PDK1: variants seen among roughly 807,000 people sequenced by gnomAD.
PDK1 encodes the protein pyruvate dehydrogenase kinase 1, also known as [Pyruvate dehydrogenase (acetyl-transferring)] kinase isozyme 1, mitochondrial.
In PDK1, 39 loss-of-function variants were observed where a neutral mutation model predicts 54.2. The ratio of observed to expected loss-of-function variants is 0.72; its 90% CI spans 0.56 to 0.94. The LOEUF is 0.94. PDK1 is among the 40% of genes least tolerant of loss of function. The pLI is 0.00. For missense variants in PDK1, 552 were observed against 566.0 expected (o/e 0.98, Z 0.25); for synonymous variants, 221 against 207.1 (o/e 1.07, Z -0.58).
the PDK1 span, among the ~76,000 whole-genome samples, chr2:172,652,939 G>A: frequency 1.3e-5 from 2 of 152,092 alleles, no homozygotes; most frequent in Non-Finnish European, 2.9e-5. Flanking sequence ...CAAGCTACCA[G>A]TGACTTTCTT....
chr2:172,717,331 C>T, the PDK1 span, among the ~76,000 whole-genome samples: 9 of 152,242 alleles, frequency 5.9e-5, no homozygotes, highest in South Asian at 4.1e-4. Flanking sequence ...TGGATGACCT[C>T]GAGCCAGAAC....
chr2:172,705,814 A>G, the PDK1 span, among the ~76,000 whole-genome samples: 1 of 152,270 alleles, frequency 6.6e-6, no homozygotes, highest in African/African-American at 2.4e-5. Flanking sequence ...TTTAAGTTAA[A>G]TATACTTATT....
intron 9 of PDK1, among the ~76,000 whole-genome samples, chr2:172,586,772 T>C (rs1690253493): frequency 6.6e-6 from 1 of 152,180 alleles, no homozygotes; most frequent in Non-Finnish European, 1.5e-5. Flanking sequence ...GTACTTGTCA[T>C]TAGAATGATC....
At chr2:172,649,944 C>T in the PDK1 span, among the ~76,000 whole-genome samples, 1 of 152,152 alleles carries the variant, frequency 6.6e-6, no homozygotes, top group Non-Finnish European at 1.5e-5. Flanking sequence ...ACTTCCACAA[C>T]CTAGTGAGGC....
the PDK1 span, among the ~76,000 whole-genome samples, chr2:172,688,148 T>C: frequency 6.6e-6 from 1 of 152,198 alleles, no homozygotes; most frequent in East Asian, 1.9e-4. Context: ...ATTTAAAACA[T>C]GTAGGACAGG....
At chr2:172,669,743 CTGA>C in the PDK1 span, among the ~76,000 whole-genome samples, 1 of 152,148 alleles carries the variant, frequency 6.6e-6, no homozygotes. Flanking sequence ...TTGCATTTCT[CTGA>C]TGATTAGAGA....
At position 172,603,553 on chromosome 2, in the gene PDK1, G is replaced by A. The variant is rs1691184343; in HGVS notation, c.*7584G>A. ...AATGAGAGCTTCACTAATGTTGTCT[G>A]CTGCAGGCAATAAGTGAAGTCTCTG... On this transcript the variant is annotated 3_prime_UTR_variant, in exon 11 of 11. Coordinates refer to ENST00000282077, the MANE Select transcript of PDK1 (RefSeq NM_002610.5). 6.6e-6 allele frequency: 1 copy of A among 152,246 alleles called. No homozygotes were observed. Among genetic ancestry groups the A allele is most frequent in the African/African-American group, 2.4e-5 (1 of 41,462 alleles). 9.4% of individuals were successfully genotyped at this position (152,246 alleles called of 1,614,324 possible).
chr2:172,629,894 T>G, the PDK1 span, among the ~76,000 whole-genome samples: 1 of 152,186 alleles, frequency 6.6e-6, no homozygotes, highest in Non-Finnish European at 1.5e-5. Flanking sequence ...GTGGGCTGAG[T>G]AAACGAGCCA....
chr2:172,706,988 G>T, the PDK1 span, among the ~76,000 whole-genome samples: 1 of 152,140 alleles, frequency 6.6e-6, no homozygotes, highest in African/African-American at 2.4e-5. Flanking sequence ...GACACCACCA[G>T]CTAGGAGGGA....
At chr2:172,637,105 C>T in the PDK1 span, among the ~76,000 whole-genome samples, 10 of 152,262 alleles carry the variant, frequency 6.6e-5, no homozygotes, top group South Asian at 8.3e-4. Flanking sequence ...GAGTCTAGAA[C>T]GGGTTAATGA....
intron 8 of PDK1, among the ~76,000 whole-genome samples, chr2:172,583,293 T>TTG (rs1397946367): frequency 1.5e-5 from 2 of 132,514 alleles, no homozygotes; most frequent in Non-Finnish European, 3.2e-5. Context: ...TTTTTTTTTT[T>TTG]TTTTTTTTTT....
In PDK1 at chr2:172,558,749, C is replaced by A; in HGVS notation, c.238C>A (p.Arg80=). The change falls in exon 2 of 11, where the codon CGG becomes AGG. Residue 80 remains arginine, a synonymous_variant. Transcript: ENST00000282077. ...ACEKTSFMFL[R]QELPVRLANI... is the part of the protein sequence containing the mutation. ...TGAAAAGACCTCATTTATGTTTCTG[C>A]GGCAAGAGTTGCCTGTCAGACTGGC... 1 of 1,609,604 alleles carries A rather than the reference C, an allele frequency of 6.2e-7. No homozygotes were observed. The highest frequency in any genetic ancestry group is 1.1e-5 in the South Asian group (1 of 90,356).
chr2:172,556,412 C>G, intron 1 of PDK1, 66 bp downstream of exon 1: 3 of 1,238,092 alleles, frequency 2.4e-6, no homozygotes, highest in Non-Finnish European at 2.1e-6. Flanking sequence ...GGCCGCTGCC[C>G]CAGGCCGGGT....
At chr2:172,647,286 G>A in the PDK1 span, among the ~76,000 whole-genome samples, 3 of 152,032 alleles carry the variant, frequency 2.0e-5, no homozygotes, top group East Asian at 5.8e-4. Flanking sequence ...ATGATGGATC[G>A]GATACACTGT....
At chr2:172,568,597 T>C (rs531669358) in intron 6 of PDK1, 144 bp from the exon 7 acceptor site, 19 of 622,114 alleles carry the variant, frequency 3.1e-5, no homozygotes, top group African/African-American at 1.3e-4. Flanking sequence ...CACTAATACA[T>C]TGAAGAAATG....
the PDK1 span, among the ~76,000 whole-genome samples, chr2:172,673,637 C>A: frequency 6.6e-6 from 1 of 152,128 alleles, no homozygotes; most frequent in Non-Finnish European, 1.5e-5. Context: ...AACACAGGTA[C>A]CAAATGAAGA....
chr2:172,723,188 C>T, the PDK1 span: 1 of 152,092 alleles, frequency 6.6e-6, no homozygotes, highest in Admixed American at 6.5e-5. Context: ...CAGACCCCTT[C>T]TTTCTGCTGT....
At chr2:172,660,710 C>G in the PDK1 span, among the ~76,000 whole-genome samples, 3 of 151,970 alleles carry the variant, frequency 2.0e-5, no homozygotes, top group East Asian at 3.9e-4. Context: ...TGGGGGCAGC[C>G]CTGGTCGAAG....
At chr2:172,630,698 C>T in the PDK1 span, among the ~76,000 whole-genome samples, 78 of 151,408 alleles carry the variant, frequency 5.2e-4, 1 homozygote, top group Non-Finnish European at 8.8e-4. Context: ...GGTGCGATCT[C>T]GGTTCACTGC....
Sources: allele counts gnomAD v4.1 joint callset (sites outside exome capture counted in the v4.1 genomes callset), GRCh38; gene constraint gnomAD v4.1.1; transcripts MANE v1.5; gene names NCBI Gene and HGNC (gene_info 2026-07-23, HGNC 2026-07-21).